Variants in DPP6 observed in about 807,000 individuals in gnomAD.
DPP6 encodes dipeptidyl peptidase like 6, also known as A-type potassium channel modulatory protein DPP6.
In DPP6, 69 loss-of-function variants were observed where a neutral mutation model predicts 122.6. The ratio of observed to expected loss-of-function variants is 0.56; its 90% CI spans 0.46 to 0.69. The LOEUF is 0.69. Ranked by LOEUF, DPP6 falls within the 30% of genes least tolerant of loss-of-function variation. DPP6 has a pLI of 0.00. For synonymous variants in DPP6, 418 were observed against 433.1 expected, an observed-to-expected ratio of 0.97 and a Z score of 0.43; for missense variants, 928 against 1,116.9, an observed-to-expected ratio of 0.83 and a Z score of 2.41.
At chr7:153,874,564 C>A in the DPP6 span, among the ~76,000 whole-genome samples, 2 of 151,986 alleles carry the variant, frequency 1.3e-5, no homozygotes, top group Non-Finnish European at 2.9e-5. Context: ...TTAGTAAAGA[C>A]AGCATTTCAC....
intron 7 of DPP6, among the ~76,000 whole-genome samples, chr7:154,722,422 C>T (rs890245415): frequency 5.9e-5 from 9 of 152,218 alleles, no homozygotes; most frequent in African/African-American, 2.2e-4. Flanking sequence ...ATCCCTAACC[C>T]TGAATCATGG....
chr7:154,385,325 G>A (rs1814008799), intron 1 of DPP6, among the ~76,000 whole-genome samples: 1 of 152,080 alleles, frequency 6.6e-6, no homozygotes, highest in African/African-American at 2.4e-5. Flanking sequence ...ACATGCTCTT[G>A]GGTCACTCCG....
chr7:154,706,273 C>T (rs536407629), intron 7 of DPP6, among the ~76,000 whole-genome samples: 77 of 152,310 alleles, frequency 5.1e-4, no homozygotes, highest in African/African-American at 1.8e-3. Context: ...TGCCCAGGGC[C>T]TCGGTGAACG....
Position 154,760,847 on chromosome 7 carries a change from T to TTC in DPP6, c.884-8569_884-8568insCT, listed in dbSNP as rs2131511809. Reference sequence around the variant, plus strand: ...TTCCTCTTTCAAAACTTTTGTTTTTTTTTTTTTGAGACAGTCTTGCTGTGT... The same window carrying TTC: ...TTCCTCTTTCAAAACTTTTGTTTTTTTCTTTTTTTGAGACAGTCTTGCTGTGT... On this transcript the variant is annotated intron_variant, in intron 8 of 25. Transcript: ENST00000377770. The surrounding 1 kb of genome is among the most constrained non-coding windows in gnomAD (Gnocchi z 4.5). Among the ~76,000 whole-genome samples the TTC allele has an allele frequency of 6.6e-6, 1 of 151,628 alleles. No individual in the cohort carries two copies. The highest frequency in any genetic ancestry group is 1.9e-4 in the East Asian group (1 of 5,140).
At chr7:154,542,289 A>T (rs1476665129) in intron 4 of DPP6, among the ~76,000 whole-genome samples, 1 of 152,218 alleles carries the variant, frequency 6.6e-6, no homozygotes, top group Non-Finnish European at 1.5e-5. Flanking sequence ...CCCTAAGAGA[A>T]TCTGATTCAA....
intron 1 of DPP6, among the ~76,000 whole-genome samples, chr7:154,211,759 C>T (rs4373443): frequency 0.59 from 90,153 of 151,862 alleles, 29,827 homozygotes; most frequent in Non-Finnish European, 0.73. Context: ...AGTTGCCATC[C>T]GGGCTGCAGC....
chr7:153,923,169 T>G (rs981219131), intron 1 of DPP6, among the ~76,000 whole-genome samples: 8 of 152,180 alleles, frequency 5.3e-5, no homozygotes, highest in Non-Finnish European at 1.0e-4. Flanking sequence ...GATTTGAGAT[T>G]AAGCAGGCAC....
At chr7:153,769,792 T>C in the DPP6 span, among the ~76,000 whole-genome samples, 1 of 152,086 alleles carries the variant, frequency 6.6e-6, no homozygotes, top group Non-Finnish European at 1.5e-5. Flanking sequence ...AATCCAAATC[T>C]AAGAAGAGAT....
the DPP6 span, among the ~76,000 whole-genome samples, chr7:153,769,649 A>G: frequency 1.3e-5 from 2 of 152,208 alleles, no homozygotes; most frequent in Admixed American, 1.3e-4. Flanking sequence ...CTGTGAGGTT[A>G]CTTTCCAGTT....
At chr7:153,910,234 C>CTTTTTTTTTTTTTTTTT (rs111816561) in intron 1 of DPP6, among the ~76,000 whole-genome samples, 1 of 137,752 alleles carries the variant, frequency 7.3e-6, no homozygotes. Flanking sequence ...TTCTTTCTTT[C>CTTTTTTTTTTTTTTTTT]TTTTTTTTTT....
At position 154,071,970 on chromosome 7, in the gene DPP6, C is replaced by A. The variant is rs369665390; in HGVS notation, c.243+18907C>A. On this transcript the variant is annotated intron_variant, in intron 1 of 25. Transcript: ENST00000377770. ...AAATACAATCCCCCTAGTAGCTAAT[C>A]ATTTTCATCCACGTGCCTGGTACAC... is the stretch of plus-strand genomic sequence containing the variant. Among the ~76,000 whole-genome samples the A allele has an allele frequency of 2.6e-5, 4 of 152,062 alleles. No homozygotes were observed. The East Asian group carries it at 7.7e-4, about 29-fold the overall frequency.
chr7:153,861,336 C>T, the DPP6 span, among the ~76,000 whole-genome samples: 1 of 152,204 alleles, frequency 6.6e-6, no homozygotes. Context: ...TGCATAGCTA[C>T]ACTCTCTAAG....
chr7:154,277,681 C>T (rs1287066398), intron 1 of DPP6, among the ~76,000 whole-genome samples: 3 of 152,194 alleles, frequency 2.0e-5, no homozygotes, highest in African/African-American at 7.2e-5. Flanking sequence ...AGGAGAATTG[C>T]TTGAGCCTGG....
intron 1 of DPP6, among the ~76,000 whole-genome samples, chr7:154,012,551 T>C (rs1299933946): frequency 1.3e-5 from 2 of 152,182 alleles, no homozygotes; most frequent in East Asian, 1.9e-4. Context: ...GAGAACACTT[T>C]TGCAAATTGA....
At chr7:153,795,567 T>G in the DPP6 span, among the ~76,000 whole-genome samples, 5 of 152,226 alleles carry the variant, frequency 3.3e-5, no homozygotes, top group Non-Finnish European at 7.4e-5. Context: ...GTTTTATTTA[T>G]TTTCTCCATT....
chr7:154,389,908 A>T (rs550817444), intron 1 of DPP6, among the ~76,000 whole-genome samples: 10 of 152,372 alleles, frequency 6.6e-5, no homozygotes, highest in South Asian at 2.1e-4. Flanking sequence ...AGTCAGTGAC[A>T]TTATAAGCAG....
At chr7:154,885,781 TCCCGCCCCGC>T (rs756708861) in intron 22 of DPP6, 37 bp downstream of exon 22, 2 of 1,549,024 alleles carry the variant, frequency 1.3e-6, no homozygotes, top group South Asian at 1.2e-5. Flanking sequence ...CGGGCTCTGC[TCCCGCCCCGC>T]CCCGCCCCCT....
At chr7:154,319,973 A>G (rs192039781) in intron 1 of DPP6, among the ~76,000 whole-genome samples, 34 of 147,928 alleles carry the variant, frequency 2.3e-4, no homozygotes, top group African/African-American at 8.3e-4. Context: ...CCTGGGTGAC[A>G]GAGCAAGACT....
At chr7:153,898,506 A>G (rs1799504844) in intron 1 of DPP6, among the ~76,000 whole-genome samples, 1 of 152,218 alleles carries the variant, frequency 6.6e-6, no homozygotes, top group African/African-American at 2.4e-5. Flanking sequence ...AACGTGAAAA[A>G]ATGATCACTG....
Sources: allele counts gnomAD v4.1 joint callset (sites outside exome capture counted in the v4.1 genomes callset), GRCh38; gene constraint gnomAD v4.1.1; non-coding constraint Gnocchi (gnomAD v3.1); transcripts MANE v1.5; gene names NCBI Gene and HGNC (gene_info 2026-07-23, HGNC 2026-07-21).